The following RNF13 variants were observed in gnomAD, a reference collection of about 807,000 sequenced individuals.
RNF13 encodes the protein ring finger protein 13, also known as E3 ubiquitin-protein ligase RNF13.
A neutral mutation model predicts 37.7 loss-of-function variants in RNF13; 19 were observed. The ratio of observed to expected loss-of-function variants is 0.50; its 90% CI spans 0.35 to 0.74. RNF13 has a LOEUF of 0.74. RNF13 is among the 30% of genes least tolerant of loss of function. The pLI is 0.01. For missense variants in RNF13, 375 were observed against 453.0 expected, an observed-to-expected ratio of 0.83 and a Z score of 1.56; for synonymous variants, 144 against 157.8, an observed-to-expected ratio of 0.91 and a Z score of 0.65.
chr3:149,889,305 G>GTGTGTGTA (rs1714417851), intron 4 of RNF13, among the ~76,000 whole-genome samples: 2 of 148,864 alleles, frequency 1.3e-5, no homozygotes, highest in Admixed American at 6.7e-5. Context: ...GTGTGTGTGT[G>GTGTGTGTA]TGTGTGTGTG....
chr3:149,836,901 T>C (rs755746353), intron 1 of RNF13, among the ~76,000 whole-genome samples: 5 of 152,168 alleles, frequency 3.3e-5, no homozygotes, highest in Admixed American at 6.5e-5. Flanking sequence ...AAAGGACAAA[T>C]ATTGTATGAT....
intron 8 of RNF13, chr3:149,938,974 T>G (rs1719982273): frequency 4.5e-6 from 2 of 448,410 alleles, no homozygotes; most frequent in Admixed American, 2.8e-5. Flanking sequence ...TTTAACAAAT[T>G]GTTTAAACTA....
intron 1 of RNF13, among the ~76,000 whole-genome samples, chr3:149,845,038 A>T (rs1722515377): frequency 6.6e-6 from 1 of 152,106 alleles, no homozygotes; most frequent in Non-Finnish European, 1.5e-5. Context: ...ATACTTTAGC[A>T]TGTTTTCATT....
chr3:149,941,599 A>C (rs1169768651), intron 8 of RNF13, among the ~76,000 whole-genome samples: 2 of 151,114 alleles, frequency 1.3e-5, no homozygotes, highest in Non-Finnish European at 1.5e-5. Flanking sequence ...ATTAACCCCA[A>C]ATCAGATACA....
chr3:149,960,856 CAAG>C lies in RNF13; in HGVS notation c.904_906del (p.Glu302del). ...TTCAGACTCTGACACAGACAGTAGT[CAAG>C]AAGAAAATGAAGTGACAGAACATAC... On this transcript the variant is annotated inframe_deletion, in exon 10 of 10. Transcript: ENST00000392894. 1.2e-6 allele frequency: 2 copies of C among 1,614,136 alleles called. No homozygotes were observed. Among genetic ancestry groups the C allele is most frequent in the African/African-American group, 1.3e-5 (1 of 75,026 alleles).
Position 149,918,766 on chromosome 3 carries a change from C to T in RNF13, c.607-2368C>T, listed in dbSNP as rs184360673. On this transcript the variant is annotated intron_variant, in intron 7 of 9. Transcript: ENST00000392894. ...CTAGTCTCAAACTCCTGGGCTCAAG[C>T]AGTCCTTCAGCCTTGGCCTCCCAAA... Among the ~76,000 whole-genome samples, 572 of 150,714 alleles carry T rather than the reference C, an allele frequency of 3.8e-3. 2 individuals carry two copies. Among genetic ancestry groups the T allele is most frequent in the Non-Finnish European group, 5.1e-3 (344 of 67,772 alleles).
Position 149,961,661 on chromosome 3 carries a change from C to CTA in RNF13, c.*560_*561dup, listed in dbSNP as rs1195962372. ...GCAGTCTTATCCTGACAGGAGCGGTCTATACTAGTGCAGATTTCAACACTT... is the reference window on the plus strand; with the variant it reads ...GCAGTCTTATCCTGACAGGAGCGGTCTATATACTAGTGCAGATTTCAACACTT... On this transcript the variant is annotated 3_prime_UTR_variant, in exon 10 of 10. Coordinates refer to ENST00000392894, the MANE Select transcript of RNF13 (RefSeq NM_183381.3). 4.2e-6 allele frequency: 1 copy of CTA among 235,710 alleles called. No homozygotes were observed. The highest frequency in any genetic ancestry group is 8.5e-6 in the Non-Finnish European group (1 of 118,154). 14.6% of individuals were successfully genotyped at this position (235,710 alleles called of 1,614,324 possible). A position where few individuals can be genotyped will look rare whatever the true frequency, so the allele number is the denominator to read the frequency against.
chr3:149,928,231 T>A (rs1313332054), intron 8 of RNF13, among the ~76,000 whole-genome samples: 1 of 152,094 alleles, frequency 6.6e-6, no homozygotes, highest in Non-Finnish European at 1.5e-5. Flanking sequence ...TTATGTCATA[T>A]CTAAGAATAC....
intron 6 of RNF13, among the ~76,000 whole-genome samples, chr3:149,907,079 A>G (rs568552650): frequency 1.3e-5 from 2 of 152,322 alleles, no homozygotes; most frequent in African/African-American, 4.8e-5. Context: ...CTCTTTCATT[A>G]CATCTACTAA....
intron 8 of RNF13, among the ~76,000 whole-genome samples, chr3:149,942,476 A>T (rs1720372831): frequency 6.6e-6 from 1 of 151,988 alleles, no homozygotes; most frequent in Non-Finnish European, 1.5e-5. Flanking sequence ...TTGTTTTCTT[A>T]ATTTCCTGTT....
intron 8 of RNF13, among the ~76,000 whole-genome samples, chr3:149,945,673 G>C (rs1720702537): frequency 6.6e-6 from 1 of 152,134 alleles, no homozygotes; most frequent in South Asian, 2.1e-4. Context: ...CCCCCAGTAG[G>C]GGCAGACTGA....
chr3:149,961,002 T>C lies in RNF13; in HGVS notation c.1044T>C (p.Asp348=), dbSNP rs749334385. Reference sequence around the variant, plus strand: ...ACTATGAGGAAGACGACAATGAAGATACTGACAGTAGTGATGCAGAAAATG... The same window carrying C: ...ACTATGAGGAAGACGACAATGAAGACACTGACAGTAGTGATGCAGAAAATG... The part of the protein sequence containing the change: ...SSDYEEDDNE[D]TDSSDAENEI... The change falls in exon 10 of 10, where the codon GAT becomes GAC. Residue 348 remains aspartate, a synonymous_variant. Coordinates refer to ENST00000392894, the MANE Select transcript of RNF13 (RefSeq NM_183381.3). The C allele has an allele frequency of 2.5e-6, 4 of 1,614,100 alleles. No homozygotes were observed. The highest frequency in any genetic ancestry group is 3.4e-6 in the Non-Finnish European group (4 of 1,180,032).
At chr3:149,954,075 G>A (rs1315860922) in intron 8 of RNF13, among the ~76,000 whole-genome samples, 1 of 152,026 alleles carries the variant, frequency 6.6e-6, no homozygotes, top group African/African-American at 2.4e-5. Context: ...TGAGCTAGTT[G>A]TATGTTTGTT....
At chr3:149,852,638 A>C (rs1404841468) in intron 3 of RNF13, 42 bp downstream of exon 3, 1 of 895,668 alleles carries the variant, frequency 1.1e-6, no homozygotes, top group African/African-American at 1.7e-5. Context: ...CAAGGTATTT[A>C]ATAAGGTGAT....
At chr3:149,948,809 T>G (rs920468641) in intron 8 of RNF13, among the ~76,000 whole-genome samples, 1 of 152,136 alleles carries the variant, frequency 6.6e-6, no homozygotes, top group Non-Finnish European at 1.5e-5. Context: ...GGCGGATCAC[T>G]TGAGTTCAGG....
intron 4 of RNF13, among the ~76,000 whole-genome samples, chr3:149,876,771 CTTTTTTTTTTTT>C (rs768071913): frequency 1.2e-5 from 1 of 82,494 alleles, no homozygotes; most frequent in Non-Finnish European, 2.3e-5. Context: ...GTCATCATAT[CTTTTTTTTTTTT>C]TTTTTTTTTT....
At chr3:149,889,965 G>A (rs566482350) in intron 4 of RNF13, among the ~76,000 whole-genome samples, 14 of 152,124 alleles carry the variant, frequency 9.2e-5, no homozygotes, top group Non-Finnish European at 2.1e-4. Context: ...ATGAGCTATC[G>A]CGCCCGGCCT....
chr3:149,842,127 T>C (rs1722241376), intron 1 of RNF13, among the ~76,000 whole-genome samples: 1 of 152,178 alleles, frequency 6.6e-6, no homozygotes. Context: ...AGTTTTTTAG[T>C]CCTCTTTTCT....
chr3:149,951,765 A>T (rs890461773), intron 8 of RNF13, among the ~76,000 whole-genome samples: 5 of 152,192 alleles, frequency 3.3e-5, no homozygotes, highest in Non-Finnish European at 7.3e-5. Flanking sequence ...TGCATACATG[A>T]ATTCAGTTAG....
Sources: allele counts gnomAD v4.1 joint callset (sites outside exome capture counted in the v4.1 genomes callset), GRCh38; gene constraint gnomAD v4.1.1; transcripts MANE v1.5; gene names NCBI Gene and HGNC (gene_info 2026-07-23, HGNC 2026-07-21).